SNX25: variants seen among roughly 807,000 people sequenced by gnomAD.
SNX25 encodes the protein sorting nexin-25.
SNX25 carries 62 observed loss-of-function variants against 113.7 expected under a neutral mutation model. The ratio of observed to expected loss-of-function variants is 0.55; its 90% CI spans 0.44 to 0.67. The LOEUF is 0.67. Ranked by LOEUF, SNX25 falls within the 30% of genes least tolerant of loss-of-function variation. The probability of loss-of-function intolerance (pLI) is 0.00; values close to 1 mark genes in which losing one functional copy is unlikely to be tolerated. For synonymous variants in SNX25, 421 were observed against 436.2 expected (o/e 0.97, Z 0.43); for missense variants, 1,014 against 1,161.0 (o/e 0.87, Z 1.84).
At chr4:185,260,631 A>G (rs1579516660) in intron 3 of SNX25, among the ~76,000 whole-genome samples, 2 of 152,378 alleles carry the variant, frequency 1.3e-5, no homozygotes, top group South Asian at 4.1e-4. Flanking sequence ...TACACAGGAC[A>G]CTTTTCCTTA....
At chr4:185,362,836 ACTT>A in intron 18 of SNX25, 125 bp downstream of exon 18, 2 of 352,616 alleles carry the variant, frequency 5.7e-6, no homozygotes, top group Non-Finnish European at 4.6e-6. Context: ...ATCTCCCTTG[ACTT>A]TTTTTTTTTT....
intron 17 of SNX25, 157 bp from the exon 18 acceptor site, chr4:185,362,454 T>C (rs1280693039): frequency 1.3e-6 from 1 of 798,314 alleles, no homozygotes. Context: ...GTTGAAACAT[T>C]CTTTCCTGAA....
intron 7 of SNX25, among the ~76,000 whole-genome samples, chr4:185,311,064 T>G (rs1755175475): frequency 6.6e-6 from 1 of 152,116 alleles, no homozygotes; most frequent in Admixed American, 6.5e-5. Flanking sequence ...TTTTTCCATC[T>G]TCCCTTTGTC....
chr4:185,231,122 A>G (rs528065488), intron 1 of SNX25, among the ~76,000 whole-genome samples: 2 of 138,266 alleles, frequency 1.4e-5, no homozygotes, highest in East Asian at 2.2e-4. Flanking sequence ...TTTTTGAGAC[A>G]GTGTTTCGCT....
At chr4:185,206,969 G>A (rs904412088), upstream of SNX25, among the ~76,000 whole-genome samples, 3 of 152,128 alleles carry the variant, frequency 2.0e-5, no homozygotes, top group African/African-American at 7.2e-5. Flanking sequence ...AGAGCCTGGA[G>A]TTCTGATGTC....
intron 14 of SNX25, among the ~76,000 whole-genome samples, chr4:185,352,772 C>G (rs2095322332): frequency 6.6e-6 from 1 of 152,150 alleles, no homozygotes; most frequent in African/African-American, 2.4e-5. Context: ...CAAAGACCTG[C>G]CTGGGCTCGC....
chr4:185,340,682 T>A (rs1319109468), intron 11 of SNX25, among the ~76,000 whole-genome samples: 1 of 152,136 alleles, frequency 6.6e-6, no homozygotes, highest in Admixed American at 6.5e-5. Flanking sequence ...TGCTTAGAGC[T>A]GGCCCTGACA....
rs567212744 is a variant in SNX25 at position 185,362,667 on chromosome 4, T to C, written c.2890T>C (p.Phe964Leu). The C allele has an allele frequency of 6.2e-6, 10 of 1,614,118 alleles. No homozygotes were observed. In the Admixed American group the frequency reaches 8.3e-5, roughly 13 times the overall value. The change falls in exon 18 of 19, where the codon TTC becomes CTC. Residue 964 changes from phenylalanine (F) to leucine (L), a missense_variant. Phe to Leu is a conservative substitution (Grantham distance 22, BLOSUM62 0). Coordinates refer to ENST00000652585, the MANE Select transcript of SNX25 (RefSeq NM_001378034.2). Reference protein sequence around the residue: ...QNARHGIIKIFNALQETRANK... With the variant: ...QNARHGIIKILNALQETRANK... Reference sequence around the variant, plus strand: ...TGCCCGCCACGGTATAATAAAAATATTCAATGCACTGCAAGAAACAAGAGC... The same window carrying C: ...TGCCCGCCACGGTATAATAAAAATACTCAATGCACTGCAAGAAACAAGAGC...
At chr4:185,361,487 C>T (rs977839000) in intron 16 of SNX25, among the ~76,000 whole-genome samples, 14 of 152,198 alleles carry the variant, frequency 9.2e-5, no homozygotes, top group African/African-American at 3.4e-4. Flanking sequence ...CCTCTAATCC[C>T]AGCACCTTGG....
At chr4:185,259,956 C>G (rs1456834315) in intron 3 of SNX25, among the ~76,000 whole-genome samples, 1 of 152,140 alleles carries the variant, frequency 6.6e-6, no homozygotes. Context: ...TTCCCTCCCT[C>G]AGGTTTACGA....
intron 1 of SNX25, among the ~76,000 whole-genome samples, chr4:185,230,251 C>A (rs1741636010): frequency 6.6e-6 from 1 of 152,192 alleles, no homozygotes; most frequent in South Asian, 2.1e-4. Context: ...GTTCATACTG[C>A]CTCTTGTCTT....
At chr4:185,367,110 A>G (rs2095390525), downstream of SNX25, 1 of 1,300,508 alleles carries the variant, frequency 7.7e-7, no homozygotes, top group Non-Finnish European at 1.1e-6. Flanking sequence ...ATAACCAAAC[A>G]TAGCTACTGT....
At chr4:185,357,360 G>A (rs1037811519) in intron 15 of SNX25, among the ~76,000 whole-genome samples, 1 of 152,176 alleles carries the variant, frequency 6.6e-6, no homozygotes, top group African/African-American at 2.4e-5. Flanking sequence ...GTGTGGTGGT[G>A]GAAAACAGAC....
intron 5 of SNX25, among the ~76,000 whole-genome samples, chr4:185,281,386 A>G (rs1371395574): frequency 2.0e-5 from 3 of 152,210 alleles, no homozygotes; most frequent in Non-Finnish European, 2.9e-5. Flanking sequence ...TTTAATGTGT[A>G]TAACAACCCT....
intron 1 of SNX25, among the ~76,000 whole-genome samples, chr4:185,226,994 C>CCAGGA (rs1448371953): frequency 6.6e-6 from 1 of 152,202 alleles, no homozygotes; most frequent in Non-Finnish European, 1.5e-5. Flanking sequence ...CATTGAGCCT[C>CCAGGA]CAGGACCATT....
At chr4:185,221,808 T>C (rs540053545) in intron 1 of SNX25, among the ~76,000 whole-genome samples, 1 of 152,190 alleles carries the variant, frequency 6.6e-6, no homozygotes, top group African/African-American at 2.4e-5. Flanking sequence ...GCCTTGAGCA[T>C]GCTGCTGCCC....
chr4:185,210,369 CG>C lies in SNX25; in HGVS notation c.429+117del. 1 of 983,502 alleles carries C rather than the reference CG, an allele frequency of 1.0e-6. No individual in the cohort carries two copies. Among genetic ancestry groups the C allele is most frequent in the Non-Finnish European group, 1.2e-6 (1 of 828,658 alleles). 60.9% of individuals were successfully genotyped at this position (983,502 alleles called of 1,614,324 possible). A position where few individuals can be genotyped will look rare whatever the true frequency, so the allele number is the denominator to read the frequency against. On this transcript the variant is annotated intron_variant, in intron 1 of 18. Coordinates refer to ENST00000652585, the MANE Select transcript of SNX25 (RefSeq NM_001378034.2). The surrounding 1 kb of genome is among the most constrained non-coding windows in gnomAD (Gnocchi z 4.4). ...GCATGCCCTTGTCGAAGCGGGAAGCCGGGAGCCAGGGGGCTGGGCTGCGGGC... is the reference window on the plus strand; with the variant it reads ...GCATGCCCTTGTCGAAGCGGGAAGCCGGAGCCAGGGGGCTGGGCTGCGGGC...
chr4:185,337,484 CTATT>C (rs144117819), intron 10 of SNX25, among the ~76,000 whole-genome samples: 6,571 of 152,212 alleles, frequency 0.043, 441 homozygotes, highest in African/African-American at 0.15. Flanking sequence ...GTTTTGCTAA[CTATT>C]TATCCAGCAA....
At chr4:185,294,995 G>A (rs1752657472) in intron 6 of SNX25, among the ~76,000 whole-genome samples, 2 of 152,064 alleles carry the variant, frequency 1.3e-5, no homozygotes, top group Admixed American at 1.3e-4. Flanking sequence ...TTATAGAATG[G>A]TTCTAGATAG....
Sources: gnomAD v4.1 joint callset for allele counts (sites outside exome capture counted in the v4.1 genomes callset) on GRCh38, gnomAD v4.1.1 for gene constraint, Gnocchi (gnomAD v3.1) non-coding constraint, MANE v1.5 for transcripts, NCBI Gene and HGNC (gene_info 2026-07-23, HGNC 2026-07-21) for gene names.